DMD: variants seen among roughly 807,000 people sequenced by gnomAD.
The protein encoded by DMD is mutant dystrophin.
DMD carries 63 observed loss-of-function variants against 330.1 expected under a neutral mutation model. That is an observed-to-expected ratio of 0.19 (90% CI 0.16 to 0.24). The LOEUF is 0.24. Among genes scored for constraint, DMD ranks in the 10% least tolerant of loss-of-function variants. DMD has a pLI of 1.00. For synonymous variants in DMD, 1,223 were observed against 959.8 expected, an observed-to-expected ratio of 1.27 and a Z score of -5.07; for missense variants, 3,344 against 2,684.1, an observed-to-expected ratio of 1.25 and a Z score of -5.43.
At chrX:31,146,464 A>C in intron 75 of DMD, 50 bp from the exon 76 acceptor site, 1 of 1,159,806 alleles carries the variant, frequency 8.6e-7, no homozygotes, top group Non-Finnish European at 1.2e-6. Context: ...AAACATACAA[A>C]TGTATAAATT....
At chrX:31,805,205 G>A (rs764811308) in intron 50 of DMD, among the ~76,000 whole-genome samples, 152 of 111,752 alleles carry the variant, frequency 1.4e-3, no homozygotes, top group African/African-American at 4.9e-3. Context: ...GACATCTCCT[G>A]CTGCCTGTAA....
At chrX:32,238,444 TGAGAGAGAGAGAGA>T (rs200601285) in intron 43 of DMD, among the ~76,000 whole-genome samples, 4 of 98,974 alleles carry the variant, frequency 4.0e-5, no homozygotes, top group Admixed American at 3.3e-4. Context: ...AAGCAATGCA[TGAGAGAGAGAGAGA>T]GAGAGAGAGA....
intron 47 of DMD, among the ~76,000 whole-genome samples, chrX:31,885,757 G>T (rs917772787): frequency 9.1e-6 from 1 of 110,154 alleles, no homozygotes; most frequent in Non-Finnish European, 1.9e-5. Flanking sequence ...TATACATTGA[G>T]AAGTCAACTT....
At chrX:31,714,785 T>C (rs893918453) in intron 52 of DMD, among the ~76,000 whole-genome samples, 4 of 111,975 alleles carry the variant, frequency 3.6e-5, no homozygotes, top group African/African-American at 1.3e-4. Flanking sequence ...AACAAAATAT[T>C]ATCAATATTA....
intron 44 of DMD, among the ~76,000 whole-genome samples, chrX:32,021,867 T>G (rs934484606): frequency 1.6e-4 from 18 of 111,800 alleles, no homozygotes; most frequent in Non-Finnish European, 3.4e-4. Flanking sequence ...AACACCACTT[T>G]AAACACTCCC....
chrX:32,310,328 C>T (rs1181872558), intron 41 of DMD, 52 bp from the exon 42 acceptor site: 2 of 1,002,418 alleles, frequency 2.0e-6, no homozygotes, highest in Non-Finnish European at 1.4e-6. Flanking sequence ...AACAGTGAAA[C>T]CTCCTCCATT....
intron 30 of DMD, among the ~76,000 whole-genome samples, chrX:32,400,152 G>C (rs2098075954): frequency 8.9e-6 from 1 of 111,764 alleles, no homozygotes; most frequent in Non-Finnish European, 1.9e-5. Context: ...AATTTATTGA[G>C]AATTTTTAGC....
chrX:32,574,175 G>A (rs1174229921), intron 13 of DMD, among the ~76,000 whole-genome samples: 1 of 111,364 alleles, frequency 9.0e-6, no homozygotes, highest in Non-Finnish European at 1.9e-5. Flanking sequence ...CAAGTAAAAG[G>A]TGTATTTTCC....
intron 62 of DMD, among the ~76,000 whole-genome samples, chrX:31,274,747 T>A (rs940394901): frequency 2.7e-5 from 3 of 112,601 alleles, no homozygotes; most frequent in African/African-American, 9.7e-5. Context: ...CTATATTAAG[T>A]TCTTTAAATA....
chrX:31,676,386 T>C (rs1283540302), intron 53 of DMD, among the ~76,000 whole-genome samples: 3 of 112,495 alleles, frequency 2.7e-5, no homozygotes, highest in African/African-American at 9.7e-5. Flanking sequence ...GAATTAAACA[T>C]TGTCGTTTCA....
intron 1 of DMD, among the ~76,000 whole-genome samples, chrX:33,324,825 A>G (rs1415460115): frequency 8.9e-6 from 1 of 112,045 alleles, no homozygotes. Context: ...CAAAAAAGCA[A>G]TCATGAATCA....
chrX:32,472,372 C>T, intron 21 of DMD, 63 bp from the exon 22 acceptor site: 1 of 1,118,846 alleles, frequency 8.9e-7, no homozygotes, highest in Non-Finnish European at 1.2e-6. Context: ...CCATGTTTTC[C>T]TAAATTGTCA....
At chrX:31,440,303 C>T (rs775271140) in intron 60 of DMD, among the ~76,000 whole-genome samples, 44 of 109,433 alleles carry the variant, frequency 4.0e-4, no homozygotes, top group Non-Finnish European at 7.8e-4. Flanking sequence ...TGCGCCACCA[C>T]ACCCAGCTAA....
At chrX:32,654,078 C>T (rs1287536702) in intron 9 of DMD, among the ~76,000 whole-genome samples, 10 of 111,812 alleles carry the variant, frequency 8.9e-5, no homozygotes, top group Admixed American at 3.8e-4. Flanking sequence ...TCTAGATATA[C>T]AATCATGTCA....
intron 7 of DMD, among the ~76,000 whole-genome samples, chrX:32,741,339 A>G (rs2069238722): frequency 9.0e-6 from 1 of 111,625 alleles, no homozygotes; most frequent in Admixed American, 9.5e-5. Context: ...TAGCCTCCAG[A>G]TGTTCACACA....
chrX:32,073,004 G>C (rs1052158114), intron 44 of DMD, among the ~76,000 whole-genome samples: 2 of 111,976 alleles, frequency 1.8e-5, no homozygotes, highest in African/African-American at 6.5e-5. Flanking sequence ...ATAAAGGAGA[G>C]GGTTGGAAAT....
At chrX:32,645,202 T>G in intron 9 of DMD, 50 bp from the exon 10 acceptor site, 1 of 1,147,966 alleles carries the variant, frequency 8.7e-7, no homozygotes, top group Non-Finnish European at 1.2e-6. Flanking sequence ...CTTTGCAGAT[T>G]GTTCCAGTAC....
chrX:31,451,534 G>A (rs77256107), intron 59 of DMD, among the ~76,000 whole-genome samples: 19 of 109,866 alleles, frequency 1.7e-4, no homozygotes, highest in Non-Finnish European at 3.6e-4. Flanking sequence ...CACCCACGTA[G>A]GCCTCCCAAA....
intron 55 of DMD, among the ~76,000 whole-genome samples, chrX:31,565,845 G>A (rs2075435697): frequency 1.8e-5 from 2 of 112,077 alleles, no homozygotes; most frequent in African/African-American, 3.2e-5. Flanking sequence ...ATTTTAATTT[G>A]CATTTCTCTA....
Sources: gnomAD v4.1 joint callset for allele counts (sites outside exome capture counted in the v4.1 genomes callset) on GRCh38, gnomAD v4.1.1 for gene constraint, MANE v1.5 for transcripts, NCBI Gene and HGNC (gene_info 2026-07-23, HGNC 2026-07-21) for gene names.